The following ACSF2 variants were observed in gnomAD, a reference collection of about 807,000 sequenced individuals.
ACSF2 encodes medium-chain acyl-CoA ligase ACSF2, mitochondrial.
A neutral mutation model predicts 79.3 loss-of-function variants in ACSF2; 52 were observed. The ratio of observed to expected loss-of-function variants is 0.66; its 90% CI spans 0.53 to 0.83. The LOEUF (loss-of-function observed/expected upper bound fraction) is 0.83, where lower values mean the gene tolerates loss of function less well. Among genes scored for constraint, ACSF2 ranks in the 40% least tolerant of loss-of-function variants. ACSF2 has a pLI of 0.00. For missense variants in ACSF2, 661 were observed against 803.3 expected (o/e 0.82, Z 2.14); for synonymous variants, 283 against 312.6 (o/e 0.91, Z 1.00).
chr17:50,426,858 T>A (rs974557422), intron 1 of ACSF2: 8 of 1,527,208 alleles, frequency 5.2e-6, no homozygotes, highest in Non-Finnish European at 6.1e-6. Flanking sequence ...TAACATGGCT[T>A]TAATTCTTTG....
At chr17:50,468,716 A>C in intron 10 of ACSF2, 1 of 1,612,384 alleles carries the variant, frequency 6.2e-7, no homozygotes, top group African/African-American at 1.3e-5. Flanking sequence ...GACGTGCTGC[A>C]GGTCGCTGTG....
chr17:50,465,470 G>C (rs1250949217), intron 10 of ACSF2: 1 of 1,612,094 alleles, frequency 6.2e-7, no homozygotes, highest in Non-Finnish European at 8.5e-7. Context: ...TGGGGCTGGG[G>C]AAGAAGGTGG....
chr17:50,457,955 G>T (rs1418170941), intron 1 of ACSF2, among the ~76,000 whole-genome samples: 5 of 152,070 alleles, frequency 3.3e-5, no homozygotes, highest in South Asian at 2.1e-4. Context: ...GATTCTCCCG[G>T]TCCACTCCCC....
At chr17:50,470,042 G>A (rs1275199946) in intron 10 of ACSF2, 1 of 152,488 alleles carries the variant, frequency 6.6e-6, no homozygotes, top group African/African-American at 2.4e-5. Flanking sequence ...TGTCTGTGAT[G>A]AGGGGTGGAA....
intron 1 of ACSF2, among the ~76,000 whole-genome samples, chr17:50,458,070 A>G (rs1247854138): frequency 6.6e-6 from 1 of 152,068 alleles, no homozygotes; most frequent in Admixed American, 6.5e-5. Flanking sequence ...CATCTTGAAA[A>G]ACTGTCACTT....
At chr17:50,461,811 C>T in intron 4 of ACSF2, 125 bp downstream of exon 4, 1 of 1,244,768 alleles carries the variant, frequency 8.0e-7, no homozygotes, top group African/African-American at 1.5e-5. Flanking sequence ...GCAGAGTGTC[C>T]TTCCTTAGGC....
intron 1 of ACSF2, among the ~76,000 whole-genome samples, chr17:50,458,868 C>T (rs949303035): frequency 2.6e-5 from 4 of 152,232 alleles, no homozygotes; most frequent in African/African-American, 9.6e-5. Flanking sequence ...GGGATTCCCC[C>T]CACAGTCTGC....
rs1391230835 is a variant in ACSF2, at chr17:50,463,569, A to G, written c.1046+17A>G. Reference sequence around the variant, plus strand: ...CAGAGAGAGGTGGGCACTGGTGGACAGGCTACTTGTGGGCTGATAAAACCC... The same window carrying G: ...CAGAGAGAGGTGGGCACTGGTGGACGGGCTACTTGTGGGCTGATAAAACCC... On this transcript the variant is annotated intron_variant, in intron 8 of 15. Transcript: ENST00000300441. The surrounding 1 kb of genome is among the most constrained non-coding windows in gnomAD (Gnocchi z 4.6). 4.3e-6 allele frequency: 7 copies of G among 1,612,314 alleles called. No individual in the cohort carries two copies. The African/African-American group carries it at 6.7e-5, about 15-fold the overall frequency.
intron 1 of ACSF2, among the ~76,000 whole-genome samples, chr17:50,432,857 A>G (rs1490419419): frequency 2.0e-5 from 3 of 152,118 alleles, no homozygotes; most frequent in Non-Finnish European, 2.9e-5. Context: ...GATGTGCTCT[A>G]CCTTTGGGAG....
At chr17:50,468,300 C>T (rs777297196) in intron 10 of ACSF2, 44 of 1,613,874 alleles carry the variant, frequency 2.7e-5, no homozygotes, top group Non-Finnish European at 3.6e-5. Context: ...CAGCGCAGGT[C>T]CTTGGCTCCC....
chr17:50,458,004 A>T (rs2032113463), intron 1 of ACSF2, among the ~76,000 whole-genome samples: 1 of 152,094 alleles, frequency 6.6e-6, no homozygotes, highest in East Asian at 1.9e-4. Context: ...GGGGCCCAGG[A>T]ATTTGCATTC....
chr17:50,435,457 C>CT (rs1353570250), intron 1 of ACSF2, among the ~76,000 whole-genome samples: 1 of 151,542 alleles, frequency 6.6e-6, no homozygotes, highest in Admixed American at 6.6e-5. Context: ...GTCACCCTGG[C>CT]TGGAGCACAG....
chr17:50,449,977 A>G (rs1452274379), intron 1 of ACSF2, among the ~76,000 whole-genome samples: 2 of 151,622 alleles, frequency 1.3e-5, no homozygotes, highest in African/African-American at 2.4e-5. Context: ...TTCTTCTTTC[A>G]CTTAATAAAC....
intron 1 of ACSF2, among the ~76,000 whole-genome samples, chr17:50,440,164 G>C (rs187251099): frequency 6.2e-4 from 94 of 152,014 alleles, no homozygotes; most frequent in African/African-American, 2.1e-3. Flanking sequence ...CCATGGCTTG[G>C]AACAAAACAG....
chr17:50,465,421 G>A (rs1443489439), intron 10 of ACSF2: 15 of 1,613,884 alleles, frequency 9.3e-6, no homozygotes, highest in African/African-American at 4.0e-5. Context: ...CTGGGCGGGA[G>A]GCCTTGGCTT....
At chr17:50,426,550 G>A (rs1423378939) in intron 1 of ACSF2, among the ~76,000 whole-genome samples, 161 bp downstream of exon 1, 2 of 152,218 alleles carry the variant, frequency 1.3e-5, no homozygotes, top group Non-Finnish European at 2.9e-5. Context: ...AATAGGAAAA[G>A]CTGGCTTGGC....
At chr17:50,458,379 T>C (rs907932046) in intron 1 of ACSF2, among the ~76,000 whole-genome samples, 4 of 152,182 alleles carry the variant, frequency 2.6e-5, no homozygotes, top group Non-Finnish European at 5.9e-5. Context: ...TCATTTTCCA[T>C]GCCCCAGCCA....
At chr17:50,452,457 C>G (rs2031735618) in intron 1 of ACSF2, among the ~76,000 whole-genome samples, 1 of 149,798 alleles carries the variant, frequency 6.7e-6, no homozygotes, top group Non-Finnish European at 1.5e-5. Context: ...GCACTACAGC[C>G]TGGGTGACAT....
chr17:50,431,786 C>G (rs1030370640), intron 1 of ACSF2, among the ~76,000 whole-genome samples: 1 of 152,162 alleles, frequency 6.6e-6, no homozygotes, highest in African/African-American at 2.4e-5. Context: ...CTGCTGATCC[C>G]GGCCTCTATT....
Sources: allele counts gnomAD v4.1 joint callset (sites outside exome capture counted in the v4.1 genomes callset), GRCh38; gene constraint gnomAD v4.1.1; non-coding constraint Gnocchi (gnomAD v3.1); transcripts MANE v1.5; gene names NCBI Gene and HGNC (gene_info 2026-07-23, HGNC 2026-07-21).